ADGRL4: variants seen among roughly 807,000 people sequenced by gnomAD.
The protein encoded by ADGRL4 is EGF, latrophilin and seven transmembrane domain containing 1.
Under a neutral mutation model 74.8 loss-of-function variants are expected in ADGRL4, and 90 were observed. The ratio of observed to expected loss-of-function variants is 1.20; its 90% confidence interval spans 1.02 to 1.43. The LOEUF (loss-of-function observed/expected upper bound fraction) is 1.43. ADGRL4 is among the 40% of genes most tolerant of loss of function. ADGRL4 has a pLI of 0.00. For synonymous variants in ADGRL4, 311 were observed against 279.2 expected, an observed-to-expected ratio of 1.11 and a Z score of -1.14; for missense variants, 881 against 814.3, an observed-to-expected ratio of 1.08 and a Z score of -1.00.
At chr1:78,896,963 G>T (rs866881253) in intron 12 of ADGRL4, among the ~76,000 whole-genome samples, 37 of 152,206 alleles carry the variant, frequency 2.4e-4, no homozygotes, top group African/African-American at 8.7e-4. Context: ...TGGGCACTAA[G>T]ATATTCCCAT....
chr1:78,952,328 C>CTTTTTTTTTTTTT (rs10647389), intron 2 of ADGRL4, among the ~76,000 whole-genome samples: 4 of 119,702 alleles, frequency 3.3e-5, no homozygotes, highest in East Asian at 2.6e-4. Context: ...ACATAGAAAG[C>CTTTTTTTTTTTTT]TTTTTTTTTT....
intron 2 of ADGRL4, among the ~76,000 whole-genome samples, chr1:78,950,201 G>A (rs1649692225): frequency 6.6e-6 from 1 of 152,120 alleles, no homozygotes; most frequent in African/African-American, 2.4e-5. Flanking sequence ...TGAAGTATAA[G>A]CAAGAGTTTA....
At chr1:78,901,833 T>A (rs1648527961) in intron 12 of ADGRL4, among the ~76,000 whole-genome samples, 1 of 152,070 alleles carries the variant, frequency 6.6e-6, no homozygotes, top group South Asian at 2.1e-4. Flanking sequence ...CTCACTAGGG[T>A]CAGGATTTAG....
chr1:79,002,089 A>G (rs1650855750), intron 2 of ADGRL4, among the ~76,000 whole-genome samples: 2 of 152,088 alleles, frequency 1.3e-5, no homozygotes, highest in Admixed American at 6.5e-5. Flanking sequence ...TGGAAGTGGA[A>G]TTCTGAAGAA....
chr1:78,944,012 A>G (rs570659985), intron 3 of ADGRL4, among the ~76,000 whole-genome samples: 10 of 152,290 alleles, frequency 6.6e-5, no homozygotes, highest in Admixed American at 2.0e-4. Context: ...TATCAAGAGA[A>G]AGAGTCTTCA....
intron 2 of ADGRL4, among the ~76,000 whole-genome samples, chr1:78,999,828 CT>C (rs1557526148): frequency 6.6e-6 from 1 of 150,396 alleles, no homozygotes; most frequent in Non-Finnish European, 1.5e-5. Flanking sequence ...ATCTATCTAT[CT>C]ATCTATCTAT....
In ADGRL4 at chr1:78,921,804, T is replaced by C. The variant is rs1557498410; in HGVS notation, c.1084-18A>G. The C allele has an allele frequency of 1.6e-5, 22 of 1,415,190 alleles. No homozygotes were observed. The highest frequency in any genetic ancestry group is 1.9e-5 in the Non-Finnish European group (20 of 1,068,580). 87.7% of individuals were successfully genotyped at this position (1,415,190 alleles called of 1,614,324 possible). The stretch of plus-strand genomic sequence containing the variant: ...TCTGTGACCTGAAAAAAAGATACTT[T>C]ACTGATGAAAAAAGAGAAAAAGTTA... On this transcript the variant is annotated intron_variant, in intron 8 of 14. Coordinates refer to ENST00000370742, the MANE Select transcript of ADGRL4 (RefSeq NM_022159.4).
intron 2 of ADGRL4, among the ~76,000 whole-genome samples, chr1:78,960,364 A>G (rs569026548): frequency 6.6e-6 from 1 of 152,252 alleles, no homozygotes; most frequent in South Asian, 2.1e-4. Flanking sequence ...TAAACATTTA[A>G]ATTAGATTTC....
Position 78,921,608 on chromosome 1 carries a change from C to A in ADGRL4, c.1257+5G>T. 7.1e-7 allele frequency: 1 copy of A among 1,402,072 alleles called. No individual in the cohort carries two copies. Among genetic ancestry groups the A allele is most frequent in the Non-Finnish European group, 9.4e-7 (1 of 1,066,638 alleles). The allele number at this position is 1,402,072 out of a possible 1,614,324, so 86.9% of individuals were successfully genotyped here. A position where few individuals can be genotyped will look rare whatever the true frequency, so the allele number is the denominator to read the frequency against. On this transcript the variant is annotated splice_donor_5th_base_variant and intron_variant, in intron 9 of 14. Transcript: ENST00000370742. ...TTATAAATATGAAGGGGAAAATTAT[C>A]TTACAATGGAAGGACCAGAGGACAT... is the stretch of plus-strand genomic sequence containing the variant.
intron 2 of ADGRL4, among the ~76,000 whole-genome samples, chr1:78,962,379 C>T (rs191233153): frequency 1.5e-3 from 221 of 152,196 alleles, no homozygotes; most frequent in Non-Finnish European, 2.6e-3. Flanking sequence ...TTCCATTTAC[C>T]TCTCCAAATA....
intron 13 of ADGRL4, among the ~76,000 whole-genome samples, chr1:78,892,085 G>GAA (rs1165938075): frequency 6.6e-6 from 1 of 152,090 alleles, no homozygotes; most frequent in Admixed American, 6.6e-5. Context: ...TTTTCCCTAA[G>GAA]AAACTCCGAA....
intron 12 of ADGRL4, 114 bp downstream of exon 12, chr1:78,917,520 A>T (rs945405695): frequency 5.1e-6 from 3 of 589,218 alleles, no homozygotes; most frequent in Non-Finnish European, 8.8e-6. Flanking sequence ...TAAGTGATAT[A>T]CTGTAAAATA....
chr1:78,893,250 A>G, intron 12 of ADGRL4, 61 bp from the exon 13 acceptor site: 1 of 995,862 alleles, frequency 1.0e-6, no homozygotes, highest in Non-Finnish European at 1.5e-6. Context: ...ATACATATAA[A>G]GAAAATAAAT....
intron 2 of ADGRL4, among the ~76,000 whole-genome samples, chr1:78,989,499 G>C (rs548703646): frequency 2.0e-5 from 3 of 151,720 alleles, no homozygotes; most frequent in East Asian, 1.9e-4. Context: ...TGGACACAGT[G>C]AGCTAAAAAT....
chr1:78,970,522 G>A (rs1650147377), intron 2 of ADGRL4, among the ~76,000 whole-genome samples: 2 of 152,154 alleles, frequency 1.3e-5, no homozygotes, highest in East Asian at 1.9e-4. Context: ...ATGCCAGCAT[G>A]TGCCAAGGTC....
chr1:78,990,864 C>T (rs1005104499), intron 2 of ADGRL4, among the ~76,000 whole-genome samples: 4 of 151,922 alleles, frequency 2.6e-5, no homozygotes, highest in Non-Finnish European at 5.9e-5. Context: ...ATCTTCAGAA[C>T]TTATCCTCCA....
rs2100688450 is a variant in ADGRL4, at chr1:78,938,174, C to T, written c.502G>A (p.Glu168Lys). ...DIITYIEILA[E>K]SSSLLGYKNN... ...TTGTAACCTAGTAATGAAGATGATT[C>T]AGCTAATATTTCTATATATGTAATT... is the stretch of plus-strand genomic sequence containing the variant. Residue 168 changes from glutamate (E) to lysine (K), a missense_variant, in exon 5 of 15, where the codon GAA becomes AAA. Glu to Lys is a moderately conservative substitution (Grantham distance 56, BLOSUM62 1). Transcript: ENST00000370742. 1 of 1,612,498 alleles carries T rather than the reference C, an allele frequency of 6.2e-7. No individual in the cohort carries two copies. The highest frequency in any genetic ancestry group is 8.5e-7 in the Non-Finnish European group (1 of 1,179,386).
At chr1:78,980,455 A>G (rs1333142256) in intron 2 of ADGRL4, among the ~76,000 whole-genome samples, 1 of 152,002 alleles carries the variant, frequency 6.6e-6, no homozygotes, top group Non-Finnish European at 1.5e-5. Context: ...ACAGAGGCCT[A>G]TAAATAGAAT....
Position 78,937,788 on chromosome 1 carries a change from A to G in ADGRL4, c.760+19T>C, listed in dbSNP as rs763455933. ...ATTTGGAAAACACAATTACTTTTAA[A>G]TGGACCCTTGTTTCTTACCTATATC... On this transcript the variant is annotated intron_variant, in intron 6 of 14. Coordinates refer to ENST00000370742, the MANE Select transcript of ADGRL4 (RefSeq NM_022159.4). The G allele has an allele frequency of 3.1e-6, 5 of 1,591,274 alleles. No individual in the cohort carries two copies.
Sources: allele counts gnomAD v4.1 joint callset (sites outside exome capture counted in the v4.1 genomes callset), GRCh38; gene constraint gnomAD v4.1.1; transcripts MANE v1.5; gene names NCBI Gene and HGNC (gene_info 2026-07-23, HGNC 2026-07-21).